Variants in ERI1 observed in about 807,000 individuals in gnomAD.
ERI1 encodes 3'-5' exoribonuclease 1.
Under a neutral mutation model 39.7 loss-of-function variants are expected in ERI1, and 39 were observed. That is an observed-to-expected ratio of 0.98 (90% confidence interval 0.76 to 1.28). ERI1 has a LOEUF of 1.28. ERI1 is among the 50% of genes most tolerant of loss of function. The pLI is 0.00. For synonymous variants in ERI1, 204 were observed against 149.6 expected (o/e 1.36, Z -2.65); for missense variants, 581 against 416.9 (o/e 1.39, Z -3.43).
intron 3 of ERI1, among the ~76,000 whole-genome samples, chr8:9,061,369 A>G (rs940978894): frequency 6.6e-6 from 1 of 152,212 alleles, no homozygotes; most frequent in East Asian, 1.9e-4. Flanking sequence ...GACTCAACAA[A>G]GAGTGAGTAC....
intron 3 of ERI1, among the ~76,000 whole-genome samples, chr8:9,059,640 G>C (rs958795417): frequency 1.4e-4 from 21 of 152,268 alleles, no homozygotes; most frequent in Middle Eastern, 3.4e-3. Flanking sequence ...CTAAGAATTG[G>C]GAGGACCTAG....
intron 4 of ERI1, among the ~76,000 whole-genome samples, chr8:9,017,699 C>A (rs73195801): frequency 6.6e-6 from 1 of 152,236 alleles, no homozygotes; most frequent in East Asian, 1.9e-4. Context: ...TGGGAACTGG[C>A]AGACCTACAG....
At chr8:9,071,390 C>T (rs972319076) in intron 3 of ERI1, among the ~76,000 whole-genome samples, 6 of 152,306 alleles carry the variant, frequency 3.9e-5, no homozygotes, top group Admixed American at 3.3e-4. Flanking sequence ...AGCCTTTAAG[C>T]TCCCACGGTG....
At chr8:9,016,899 C>A (rs549014164) in intron 4 of ERI1, among the ~76,000 whole-genome samples, 1 of 152,080 alleles carries the variant, frequency 6.6e-6, no homozygotes, top group Non-Finnish European at 1.5e-5. Flanking sequence ...ATTGGCCAGG[C>A]TGGTCTCGAA....
intron 3 of ERI1, among the ~76,000 whole-genome samples, chr8:9,077,703 A>G (rs1799251122): frequency 6.6e-6 from 1 of 152,228 alleles, no homozygotes. Context: ...TCAGACCTTT[A>G]GTCTATTTTC....
intron 4 of ERI1, among the ~76,000 whole-genome samples, chr8:9,017,952 A>G (rs1292388771): frequency 6.6e-6 from 1 of 152,164 alleles, no homozygotes; most frequent in African/African-American, 2.4e-5. Context: ...ACACTTAGGG[A>G]GCTGTGGCTT....
downstream of ERI1, among the ~76,000 whole-genome samples, chr8:9,036,876 C>A (rs2117334033): frequency 6.6e-6 from 1 of 152,196 alleles, no homozygotes; most frequent in Middle Eastern, 3.4e-3. Flanking sequence ...CCTGTTTTCC[C>A]TTTGGATTTA....
chr8:9,037,520 C>G (rs1465591611), downstream of ERI1, among the ~76,000 whole-genome samples: 1 of 151,638 alleles, frequency 6.6e-6, no homozygotes, highest in African/African-American at 2.4e-5. Flanking sequence ...TTCTGTTTCC[C>G]CAACAGGAGT....
intron 3 of ERI1, among the ~76,000 whole-genome samples, chr8:9,038,862 G>A (rs924172357): frequency 1.3e-5 from 2 of 152,194 alleles, no homozygotes; most frequent in African/African-American, 4.8e-5. Context: ...GGATTAATAT[G>A]ACATTGCTAG....
chr8:9,080,205 T>G (rs1197215758), intron 3 of ERI1, among the ~76,000 whole-genome samples: 1 of 152,180 alleles, frequency 6.6e-6, no homozygotes, highest in Non-Finnish European at 1.5e-5. Flanking sequence ...AGGACGTGAT[T>G]GCTGTCTCAT....
At chr8:9,027,557 C>T (rs1399837104) in intron 6 of ERI1, among the ~76,000 whole-genome samples, 2 of 152,064 alleles carry the variant, frequency 1.3e-5, no homozygotes, top group African/African-American at 4.8e-5. Flanking sequence ...TTGTCCAATC[C>T]ATTGTCATAA....
intron 3 of ERI1, among the ~76,000 whole-genome samples, chr8:9,050,129 T>C (rs527294551): frequency 4.6e-5 from 7 of 151,254 alleles, no homozygotes; most frequent in Non-Finnish European, 8.8e-5. Context: ...GTAGAATATA[T>C]ATAAAGCACT....
chr8:9,089,443 CT>C (rs1172515922), intron 3 of ERI1, among the ~76,000 whole-genome samples: 3 of 152,110 alleles, frequency 2.0e-5, no homozygotes, highest in African/African-American at 7.2e-5. Context: ...ATTCTTCTTC[CT>C]TTTCTGAGAA....
chr8:9,040,535 G>C (rs1797983300), intron 3 of ERI1, among the ~76,000 whole-genome samples: 1 of 152,164 alleles, frequency 6.6e-6, no homozygotes, highest in Non-Finnish European at 1.5e-5. Flanking sequence ...CTGTATGAAA[G>C]CTCAGAATTA....
intron 5 of ERI1, among the ~76,000 whole-genome samples, chr8:9,018,735 A>G (rs1817567391): frequency 6.6e-6 from 1 of 151,940 alleles, no homozygotes; most frequent in Admixed American, 6.5e-5. Flanking sequence ...CTCTCATCCC[A>G]CGCTACCTGT....
chr8:9,062,480 A>C (rs60395680), intron 3 of ERI1, among the ~76,000 whole-genome samples: 1 of 148,948 alleles, frequency 6.7e-6, no homozygotes, highest in Non-Finnish European at 1.5e-5. Flanking sequence ...CTAAGTTGGC[A>C]CCAGAGTTGG....
intron 6 of ERI1, among the ~76,000 whole-genome samples, chr8:9,023,688 T>C (rs1818163408): frequency 7.7e-6 from 1 of 130,426 alleles, no homozygotes; most frequent in Non-Finnish European, 1.7e-5. Context: ...GTACCTTATC[T>C]AAGACCTAAA....
intron 3 of ERI1, among the ~76,000 whole-genome samples, chr8:9,044,513 A>G (rs762764111): frequency 4.6e-5 from 7 of 152,112 alleles, no homozygotes; most frequent in African/African-American, 1.2e-4. Context: ...CCCATCATCA[A>G]CTGGAGATGA....
chr8:9,088,893 C>T (rs555309558), intron 3 of ERI1, among the ~76,000 whole-genome samples: 1 of 152,288 alleles, frequency 6.6e-6, no homozygotes, highest in Admixed American at 6.5e-5. Context: ...CCAGGTCATG[C>T]GGGTGAGTTA....
Sources: gnomAD v4.1 joint callset for allele counts (sites outside exome capture counted in the v4.1 genomes callset) on GRCh38, gnomAD v4.1.1 for gene constraint, MANE v1.5 for transcripts, NCBI Gene and HGNC (gene_info 2026-07-23, HGNC 2026-07-21) for gene names.